ARHGAP10: variants seen among roughly 807,000 people sequenced by gnomAD.
The protein encoded by ARHGAP10 is rho GTPase-activating protein 10.
ARHGAP10 carries 87 observed loss-of-function variants against 108.6 expected under a neutral mutation model. That is an observed-to-expected ratio of 0.80 (90% CI 0.67 to 0.96). The LOEUF (loss-of-function observed/expected upper bound fraction) is 0.96, where lower values mean the gene tolerates loss of function less well. Ranked by LOEUF, ARHGAP10 falls within the 40% of genes least tolerant of loss-of-function variation. The probability of loss-of-function intolerance (pLI) is 0.00; values close to 1 mark genes in which losing one functional copy is unlikely to be tolerated. For missense variants in ARHGAP10, 939 were observed against 954.5 expected, an observed-to-expected ratio of 0.98 and a Z score of 0.21; for synonymous variants, 347 against 341.1, an observed-to-expected ratio of 1.02 and a Z score of -0.19.
chr4:147,885,286 G>A (rs1225747864), intron 10 of ARHGAP10, among the ~76,000 whole-genome samples: 1 of 152,158 alleles, frequency 6.6e-6, no homozygotes, highest in Admixed American at 6.5e-5. Flanking sequence ...CCATATGGTT[G>A]GGGAGGCCTC....
chr4:147,880,745 G>C (rs1175346289), intron 9 of ARHGAP10, among the ~76,000 whole-genome samples: 2 of 152,208 alleles, frequency 1.3e-5, no homozygotes, highest in Non-Finnish European at 2.9e-5. Context: ...ATAGGGAAGA[G>C]AGAAATTGCA....
chr4:148,020,639 T>A (rs1412548594), intron 18 of ARHGAP10, among the ~76,000 whole-genome samples: 2 of 152,206 alleles, frequency 1.3e-5, no homozygotes, highest in Non-Finnish European at 2.9e-5. Context: ...TTCCTTTTTA[T>A]GACTGCATAG....
At chr4:148,019,782 C>T (rs1250452441) in intron 18 of ARHGAP10, among the ~76,000 whole-genome samples, 1 of 150,106 alleles carries the variant, frequency 6.7e-6, no homozygotes, top group East Asian at 2.0e-4. Flanking sequence ...AAAAACAAAA[C>T]AAAAAACAAA....
At chr4:147,911,574 G>A (rs1047320248) in intron 12 of ARHGAP10, among the ~76,000 whole-genome samples, 2 of 152,176 alleles carry the variant, frequency 1.3e-5, no homozygotes, top group Admixed American at 1.3e-4. Flanking sequence ...GTGTTAGCCA[G>A]GATGGTCTTG....
chr4:147,857,675 G>T (rs775261446), intron 5 of ARHGAP10, 21 bp downstream of exon 5: 84 of 1,420,742 alleles, frequency 5.9e-5, no homozygotes, highest in Middle Eastern at 2.1e-4. Flanking sequence ...TTATTTTTCT[G>T]TTACGTTTTC....
chr4:148,053,292 C>T (rs929704556), intron 20 of ARHGAP10, among the ~76,000 whole-genome samples: 1 of 152,144 alleles, frequency 6.6e-6, no homozygotes, highest in Non-Finnish European at 1.5e-5. Flanking sequence ...AGGTATTCTC[C>T]ACCCTGCCCC....
chr4:147,796,364 T>C (rs1272369080), intron 1 of ARHGAP10, among the ~76,000 whole-genome samples: 1 of 151,822 alleles, frequency 6.6e-6, no homozygotes, highest in African/African-American at 2.4e-5. Context: ...TCTGTGAGCA[T>C]TTTTTTTAAA....
intron 10 of ARHGAP10, among the ~76,000 whole-genome samples, chr4:147,888,602 G>A (rs1433585647): frequency 1.3e-5 from 2 of 152,006 alleles, no homozygotes; most frequent in African/African-American, 4.8e-5. Flanking sequence ...TTTTTGTTGT[G>A]TTCATATCCT....
chr4:147,886,392 T>C (rs1191887472), intron 10 of ARHGAP10, among the ~76,000 whole-genome samples: 3 of 152,218 alleles, frequency 2.0e-5, no homozygotes, highest in Non-Finnish European at 4.4e-5. Context: ...CCTTAGACTT[T>C]GTCATTGCAA....
chr4:147,933,680 A>G (rs1406123924), intron 13 of ARHGAP10, among the ~76,000 whole-genome samples: 2 of 152,208 alleles, frequency 1.3e-5, no homozygotes, highest in African/African-American at 2.4e-5. Context: ...ACTGTGTGGG[A>G]ATACTGGCCA....
At chr4:147,796,092 G>A (rs763464547) in intron 1 of ARHGAP10, among the ~76,000 whole-genome samples, 9 of 152,058 alleles carry the variant, frequency 5.9e-5, no homozygotes, top group Non-Finnish European at 1.3e-4. Flanking sequence ...AGAGCTATTT[G>A]TTTATAATTT....
At chr4:147,754,501 C>T (rs1314217652) in intron 1 of ARHGAP10, among the ~76,000 whole-genome samples, 1 of 152,150 alleles carries the variant, frequency 6.6e-6, no homozygotes, top group African/African-American at 2.4e-5. Flanking sequence ...CCCAAACTGC[C>T]TCCAGATAGA....
intron 19 of ARHGAP10, among the ~76,000 whole-genome samples, chr4:148,024,370 G>A (rs1453435665): frequency 6.6e-6 from 1 of 152,186 alleles, no homozygotes; most frequent in Admixed American, 6.5e-5. Flanking sequence ...TGTGAGATTA[G>A]CAGAGTGAGG....
chr4:148,014,100 A>T lies in ARHGAP10; in HGVS notation c.1717-9163A>T, dbSNP rs140510806. Among the ~76,000 whole-genome samples the T allele has an allele frequency of 7.2e-3, 1,101 of 152,360 alleles. 3 individuals are homozygous for T. The highest frequency in any genetic ancestry group is 0.011 in the Non-Finnish European group (778 of 68,028). On this transcript the variant is annotated intron_variant, in intron 18 of 22. Coordinates refer to ENST00000336498, the MANE Select transcript of ARHGAP10 (RefSeq NM_024605.4). ...GAAGGAGGAAGAAGAGGAGAAAAAA[A>T]GGAATGTTGTGTATGGACTATACCT...
chr4:147,987,948 C>T (rs1740104252), intron 18 of ARHGAP10, among the ~76,000 whole-genome samples: 1 of 152,234 alleles, frequency 6.6e-6, no homozygotes. Context: ...ACTTATGCCA[C>T]TTTGGCAAAG....
In ARHGAP10 at chr4:147,751,705, T is replaced by C. The variant is rs544423629; in HGVS notation, c.154+19250T>C. Among the ~76,000 whole-genome samples, 7 of 150,916 alleles carry C rather than the reference T, an allele frequency of 4.6e-5. No individual in the cohort carries two copies. The East Asian group carries it at 1.4e-3, about 29-fold the overall frequency. ...TTTGGAGCACTTGTGTTTCAGAGAC[T>C]GTGCCCAGTGTTTTCACAGGAGTTA... On this transcript the variant is annotated intron_variant, in intron 1 of 22. Coordinates refer to ENST00000336498, the MANE Select transcript of ARHGAP10 (RefSeq NM_024605.4).
intron 18 of ARHGAP10, among the ~76,000 whole-genome samples, chr4:147,987,094 A>G (rs1030756194): frequency 1.8e-4 from 28 of 152,260 alleles, no homozygotes; most frequent in Admixed American, 6.5e-5. Context: ...TCAGAAATCT[A>G]AAATTATACC....
chr4:147,831,994 T>C (rs892818891), intron 3 of ARHGAP10, among the ~76,000 whole-genome samples: 18 of 152,158 alleles, frequency 1.2e-4, no homozygotes, highest in African/African-American at 3.6e-4. Context: ...TGTTGAAACT[T>C]ACATTTCCTG....
rs1316764058 is a variant in ARHGAP10 at position 147,763,823 on chromosome 4, C to T, written c.154+31368C>T. ...AGGCTGGGGTGCAGTGGCACCATCA[C>T]GGCTCACTGCAGCCTCAACTTTCTG... On this transcript the variant is annotated intron_variant, in intron 1 of 22. Coordinates refer to ENST00000336498, the MANE Select transcript of ARHGAP10 (RefSeq NM_024605.4). Among the ~76,000 whole-genome samples, 7 of 146,588 alleles carry T rather than the reference C, an allele frequency of 4.8e-5. No homozygotes were observed. In the South Asian group the frequency reaches 6.4e-4, roughly 13 times the overall value.
Sources: gnomAD v4.1 joint callset for allele counts (sites outside exome capture counted in the v4.1 genomes callset) on GRCh38, gnomAD v4.1.1 for gene constraint, MANE v1.5 for transcripts, NCBI Gene and HGNC (gene_info 2026-07-23, HGNC 2026-07-21) for gene names.